IPMK: variants seen among roughly 807,000 people sequenced by gnomAD.
IPMK encodes inositol polyphosphate multikinase, also known as inositol 1,3,4,6-tetrakisphosphate 5-kinase.
IPMK carries 17 observed loss-of-function variants against 45.8 expected under a neutral mutation model. The ratio of observed to expected loss-of-function variants is 0.37; its 90% CI spans 0.25 to 0.56. The LOEUF is 0.56. Among genes scored for constraint, IPMK ranks in the 20% least tolerant of loss-of-function variants. IPMK has a pLI of 0.79. For missense variants in IPMK, 399 were observed against 498.0 expected (o/e 0.80, Z 1.89); for synonymous variants, 180 against 184.3 (o/e 0.98, Z 0.19).
intron 1 of IPMK, among the ~76,000 whole-genome samples, chr10:58,258,444 G>A (rs1839006946): frequency 6.6e-6 from 1 of 152,084 alleles, no homozygotes; most frequent in Non-Finnish European, 1.5e-5. Flanking sequence ...TATATAAATG[G>A]AGCATTTACC....
At chr10:58,243,733 A>C (rs1169615575) in intron 1 of IPMK, among the ~76,000 whole-genome samples, 1 of 152,160 alleles carries the variant, frequency 6.6e-6, no homozygotes, top group Non-Finnish European at 1.5e-5. Flanking sequence ...TCCACCTCCC[A>C]GCCGCGTGCC....
chr10:58,212,686 T>G (rs528044584), intron 4 of IPMK: 1 of 250,164 alleles, frequency 4.0e-6, no homozygotes, highest in Admixed American at 4.5e-5. Flanking sequence ...ATGTGCAGCC[T>G]CTGTCGCAAA....
intron 1 of IPMK, among the ~76,000 whole-genome samples, chr10:58,238,138 CTTATAG>C (rs1163964359): frequency 6.6e-6 from 1 of 152,174 alleles, no homozygotes; most frequent in Admixed American, 6.5e-5. Context: ...AAGATGTTAA[CTTATAG>C]TTATAAGAAG....
intron 2 of IPMK, among the ~76,000 whole-genome samples, chr10:58,236,708 C>G (rs1404120125): frequency 6.6e-6 from 1 of 151,814 alleles, no homozygotes; most frequent in Admixed American, 6.6e-5. Context: ...AGTTCAAGAC[C>G]AGCCTGGACA....
At chr10:58,259,858 C>A (rs1839036572) in intron 1 of IPMK, among the ~76,000 whole-genome samples, 1 of 151,630 alleles carries the variant, frequency 6.6e-6, no homozygotes, top group Non-Finnish European at 1.5e-5. Context: ...AAAAGAAAAA[C>A]AAATGTAACA....
intron 3 of IPMK, among the ~76,000 whole-genome samples, chr10:58,222,105 T>G (rs1016543212): frequency 2.6e-5 from 4 of 152,120 alleles, no homozygotes; most frequent in African/African-American, 7.2e-5. Flanking sequence ...AGGCTGGTCT[T>G]GAACTCCTGC....
chr10:58,219,507 A>T (rs1838298478), intron 3 of IPMK, among the ~76,000 whole-genome samples: 1 of 152,252 alleles, frequency 6.6e-6, no homozygotes, highest in South Asian at 2.1e-4. Context: ...TTCAAGGTAG[A>T]TCAATCCTGA....
At chr10:58,198,801 A>AC (rs1837945628) in intron 5 of IPMK, among the ~76,000 whole-genome samples, 1 of 152,180 alleles carries the variant, frequency 6.6e-6, no homozygotes, top group Non-Finnish European at 1.5e-5. Flanking sequence ...AGCTCTAGAA[A>AC]CTTACATAGC....
intron 1 of IPMK, among the ~76,000 whole-genome samples, chr10:58,243,126 A>C (rs911410605): frequency 3.9e-5 from 6 of 152,154 alleles, no homozygotes; most frequent in African/African-American, 1.4e-4. Flanking sequence ...GAACTAATAC[A>C]CTATCCTAGG....
intron 4 of IPMK, among the ~76,000 whole-genome samples, chr10:58,207,665 T>C (rs1838090690): frequency 6.6e-6 from 1 of 152,002 alleles, no homozygotes; most frequent in Non-Finnish European, 1.5e-5. Context: ...TTGTGTGTTA[T>C]CTCATTTCTT....
intron 4 of IPMK, among the ~76,000 whole-genome samples, chr10:58,211,975 G>C (rs1838172485): frequency 6.7e-6 from 1 of 150,132 alleles, no homozygotes; most frequent in Non-Finnish European, 1.5e-5. Flanking sequence ...TAATGAGTGT[G>C]TCAGTTTTGT....
At chr10:58,230,758 G>C (rs1422463953) in intron 2 of IPMK, among the ~76,000 whole-genome samples, 1 of 152,188 alleles carries the variant, frequency 6.6e-6, no homozygotes, top group Non-Finnish European at 1.5e-5. Flanking sequence ...AAAAATCAGA[G>C]TGCCTCCTCT....
chr10:58,233,867 G>A (rs551406746), intron 2 of IPMK, among the ~76,000 whole-genome samples: 1 of 152,252 alleles, frequency 6.6e-6, no homozygotes, highest in East Asian at 1.9e-4. Context: ...AGGAAATGAG[G>A]AAGTCAAATT....
intron 1 of IPMK, among the ~76,000 whole-genome samples, chr10:58,240,985 G>A (rs890476813): frequency 2.0e-5 from 3 of 152,158 alleles, no homozygotes; most frequent in African/African-American, 7.2e-5. Flanking sequence ...AGTTGTTGAG[G>A]TAAGAGCAGC....
rs968997693 is a variant in IPMK at position 58,216,076 on chromosome 10, A to T, written c.546+69T>A. 2.7e-5 allele frequency: 26 copies of T among 967,766 alleles called. 1 individual carries two copies. The African/African-American group carries it at 4.4e-4, about 16-fold the overall frequency. 59.9% of individuals were successfully genotyped at this position (967,766 alleles called of 1,614,324 possible). A position where few individuals can be genotyped will look rare whatever the true frequency, so the allele number is the denominator to read the frequency against. ...TTTCTGATATATTAGTACTACAATG[A>T]CATCCATAATTTTCAAGGGAAGAAC... is the stretch of plus-strand genomic sequence containing the variant. On this transcript the variant is annotated intron_variant, in intron 4 of 5. Transcript: ENST00000373935.
chr10:58,216,463 T>TA (rs1373052403), intron 3 of IPMK, 146 bp from the exon 4 acceptor site: 11,803 of 353,254 alleles, frequency 0.033, no homozygotes, highest in Middle Eastern at 0.043. Flanking sequence ...TAACTCTACC[T>TA]AAAAAAAAAA....
rs79381142 is a variant in IPMK at position 58,228,891 on chromosome 10, T to C, written c.277-1752A>G. Among the ~76,000 whole-genome samples the C allele has an allele frequency of 4.8e-3, 734 of 152,320 alleles. 4 individuals carry two copies. The highest frequency in any genetic ancestry group is 8.4e-3 in the Non-Finnish European group (570 of 68,028). On this transcript the variant is annotated intron_variant, in intron 2 of 5. Coordinates refer to ENST00000373935, the MANE Select transcript of IPMK (RefSeq NM_152230.5). ...CTCTCAAGGAAAAAAAAGGGAATTCTTCTTAGTTTTGCATGCCTATGAAAC... is the reference window on the plus strand; with the variant it reads ...CTCTCAAGGAAAAAAAAGGGAATTCCTCTTAGTTTTGCATGCCTATGAAAC...
Position 58,213,665 on chromosome 10 carries a change from G to A in IPMK, c.546+2480C>T, listed in dbSNP as rs573652091. ...TGCGACACTGCACTTCAGCCTGGGC[G>A]ACAGAGCGAGACTCCGTCTCAAAAA... On this transcript the variant is annotated intron_variant, in intron 4 of 5. Transcript: ENST00000373935. 3.3e-5 allele frequency among the ~76,000 whole-genome samples: 5 copies of A among 149,290 alleles called. No homozygotes were observed. In the East Asian group the frequency reaches 7.9e-4, roughly 23 times the overall value.
intron 4 of IPMK, among the ~76,000 whole-genome samples, chr10:58,204,731 G>A (rs1320995205): frequency 6.6e-6 from 1 of 152,064 alleles, no homozygotes; most frequent in East Asian, 1.9e-4. Context: ...GCAGTTCGAG[G>A]CTGCAGTAAG....
Sources: allele counts gnomAD v4.1 joint callset (sites outside exome capture counted in the v4.1 genomes callset), GRCh38; gene constraint gnomAD v4.1.1; transcripts MANE v1.5; gene names NCBI Gene and HGNC (gene_info 2026-07-23, HGNC 2026-07-21).